Variants in DGKB observed in about 807,000 individuals in gnomAD.
The protein encoded by DGKB is 90 kDa diacylglycerol kinase.
DGKB carries 67 observed loss-of-function variants against 114.3 expected under a neutral mutation model. The observed-to-expected ratio is 0.59, with a 90% CI of 0.48 to 0.72. DGKB has a LOEUF of 0.72. DGKB is among the 30% of genes least tolerant of loss of function. The pLI is 0.00. For missense variants in DGKB, 907 were observed against 975.2 expected (o/e 0.93, Z 0.93); for synonymous variants, 398 against 323.1 (o/e 1.23, Z -2.49).
chr7:14,450,029 G>A (rs1450416821), intron 21 of DGKB, among the ~76,000 whole-genome samples: 4 of 151,836 alleles, frequency 2.6e-5, no homozygotes, highest in Non-Finnish European at 5.9e-5. Context: ...CTTGCTAGGC[G>A]ACAGGAACTA....
chr7:14,390,553 T>C (rs1163706218), intron 21 of DGKB, among the ~76,000 whole-genome samples: 1 of 152,194 alleles, frequency 6.6e-6, no homozygotes, highest in East Asian at 1.9e-4. Flanking sequence ...TTGAGCTATT[T>C]TATACACTTA....
At chr7:14,964,258 C>A (rs1787026940) in intron 1 of DGKB, among the ~76,000 whole-genome samples, 1 of 152,110 alleles carries the variant, frequency 6.6e-6, no homozygotes, top group Admixed American at 6.6e-5. Context: ...GTAATCCCAG[C>A]ACTTTAGGAG....
intron 1 of DGKB, among the ~76,000 whole-genome samples, chr7:14,900,830 T>G (rs1177834688): frequency 6.6e-6 from 1 of 152,156 alleles, no homozygotes; most frequent in Non-Finnish European, 1.5e-5. Context: ...TTGTCAAATT[T>G]TTATCAGTGC....
chr7:14,785,359 C>G (rs1444515468), intron 2 of DGKB, among the ~76,000 whole-genome samples: 1 of 152,072 alleles, frequency 6.6e-6, no homozygotes, highest in Non-Finnish European at 1.5e-5. Context: ...TTCTAATCTT[C>G]TTGCCTTGTC....
intron 23 of DGKB, among the ~76,000 whole-genome samples, chr7:14,299,244 G>C (rs1230001129): frequency 6.6e-6 from 1 of 152,122 alleles, no homozygotes; most frequent in Non-Finnish European, 1.5e-5. Flanking sequence ...GATAGAAAAA[G>C]AGGCATTTCA....
intron 20 of DGKB, among the ~76,000 whole-genome samples, chr7:14,570,838 C>T (rs566857169): frequency 1.3e-5 from 2 of 151,880 alleles, no homozygotes; most frequent in Non-Finnish European, 2.9e-5. Context: ...AAAAAAAAAT[C>T]GATAAGTTGA....
chr7:14,701,804 A>G (rs1825235853), intron 6 of DGKB, 74 bp from the exon 7 acceptor site: 1 of 1,026,514 alleles, frequency 9.7e-7, no homozygotes, highest in Non-Finnish European at 1.5e-6. Flanking sequence ...ATATTCATTA[A>G]AATTTAGTTT....
chr7:14,797,537 G>A (rs1841565306), intron 2 of DGKB, among the ~76,000 whole-genome samples: 1 of 152,000 alleles, frequency 6.6e-6, no homozygotes, highest in Non-Finnish European at 1.5e-5. Context: ...AAATCTGCAT[G>A]GATAAAATCA....
At chr7:14,951,788 T>C (rs866920242) in intron 1 of DGKB, among the ~76,000 whole-genome samples, 14 of 151,962 alleles carry the variant, frequency 9.2e-5, no homozygotes, top group South Asian at 2.1e-4. Context: ...CTCTATTTTC[T>C]ACTCATTTTT....
At chr7:14,680,086 G>A (rs1455237832) in intron 12 of DGKB, among the ~76,000 whole-genome samples, 1 of 151,850 alleles carries the variant, frequency 6.6e-6, no homozygotes, top group African/African-American at 2.4e-5. Context: ...TAAGGCTGAG[G>A]ATGGATAAAA....
intron 21 of DGKB, among the ~76,000 whole-genome samples, chr7:14,464,519 CAGTA>C (rs779318219): frequency 3.3e-5 from 5 of 152,144 alleles, no homozygotes; most frequent in East Asian, 3.8e-4. Flanking sequence ...TACTAAACAT[CAGTA>C]AGTAAGAAGA....
At chr7:14,753,154 A>G (rs1834358313) in intron 4 of DGKB, among the ~76,000 whole-genome samples, 1 of 152,204 alleles carries the variant, frequency 6.6e-6, no homozygotes, top group Admixed American at 6.5e-5. Flanking sequence ...GTTGTCATTA[A>G]AAGCATCAAA....
chr7:14,811,452 T>C (rs1843420376), intron 2 of DGKB, among the ~76,000 whole-genome samples: 1 of 152,198 alleles, frequency 6.6e-6, no homozygotes, highest in African/African-American at 2.4e-5. Flanking sequence ...TAAGAAAGAT[T>C]ACATGCTTTT....
At chr7:14,644,637 C>T (rs929287123) in intron 13 of DGKB, among the ~76,000 whole-genome samples, 2 of 151,900 alleles carry the variant, frequency 1.3e-5, no homozygotes, top group Non-Finnish European at 2.9e-5. Flanking sequence ...TTTGAAGTAT[C>T]CTAGTCACAC....
chr7:14,508,070 ACAAT>A (rs1456482980), intron 20 of DGKB, among the ~76,000 whole-genome samples: 1 of 152,204 alleles, frequency 6.6e-6, no homozygotes, highest in African/African-American at 2.4e-5. Context: ...TTCTCAATAG[ACAAT>A]CAGGCGGCAT....
At chr7:14,942,946 TTGTC>T (rs1785653074) in intron 1 of DGKB, among the ~76,000 whole-genome samples, 1 of 151,968 alleles carries the variant, frequency 6.6e-6, no homozygotes, top group Non-Finnish European at 1.5e-5. Context: ...CATTTGCTCA[TTGTC>T]TGTTTTTATC....
chr7:14,569,180 A>G (rs956381500), intron 20 of DGKB, among the ~76,000 whole-genome samples: 1 of 152,296 alleles, frequency 6.6e-6, no homozygotes, highest in Non-Finnish European at 1.5e-5. Flanking sequence ...GTCCCTGAGC[A>G]TTGAGATTTT....
chr7:14,774,837 G>T (rs1837922552), intron 2 of DGKB, among the ~76,000 whole-genome samples: 1 of 152,064 alleles, frequency 6.6e-6, no homozygotes, highest in South Asian at 2.1e-4. Flanking sequence ...TTCCATCACA[G>T]ATTTCTTTGC....
chr7:14,834,287 G>A (rs1846839454), intron 2 of DGKB, among the ~76,000 whole-genome samples: 1 of 152,104 alleles, frequency 6.6e-6, no homozygotes, highest in Non-Finnish European at 1.5e-5. Context: ...TGAAATGAAA[G>A]TATAAAGAAA....
Sources: gnomAD v4.1 joint callset for allele counts (sites outside exome capture counted in the v4.1 genomes callset) on GRCh38, gnomAD v4.1.1 for gene constraint, MANE v1.5 for transcripts, NCBI Gene and HGNC (gene_info 2026-07-23, HGNC 2026-07-21) for gene names.